The following SLC1A2 variants were observed in gnomAD, a reference collection of about 807,000 sequenced individuals.
SLC1A2 encodes the protein solute carrier family 1 member 2.
In SLC1A2, 15 loss-of-function variants were observed where a neutral mutation model predicts 48.8. That is an observed-to-expected ratio of 0.31 (90% CI 0.21 to 0.47). The LOEUF is 0.47. Ranked by LOEUF, SLC1A2 falls within the 20% of genes least tolerant of loss-of-function variation. SLC1A2 has a pLI of 0.99. For missense variants in SLC1A2, 502 were observed against 730.5 expected (o/e 0.69, Z 3.61); for synonymous variants, 279 against 272.6 (o/e 1.02, Z -0.23).
At chr11:35,406,280 G>A (rs1855290524) in intron 1 of SLC1A2, among the ~76,000 whole-genome samples, 1 of 152,128 alleles carries the variant, frequency 6.6e-6, no homozygotes, top group Non-Finnish European at 1.5e-5. Flanking sequence ...TTAGGATCTA[G>A]GAGGACATGA....
At chr11:35,309,861 A>AG (rs1407358146) in intron 4 of SLC1A2, among the ~76,000 whole-genome samples, 1 of 152,162 alleles carries the variant, frequency 6.6e-6, no homozygotes, top group Non-Finnish European at 1.5e-5. Context: ...ATTCTTCCTC[A>AG]GGTTGTCCTA....
chr11:35,269,223 A>C (rs1850201593), intron 9 of SLC1A2, among the ~76,000 whole-genome samples: 1 of 152,222 alleles, frequency 6.6e-6, no homozygotes. Context: ...AGAATCTCCC[A>C]GTGCCTTGAT....
At chr11:35,342,549 T>TG (rs1852877589) in intron 1 of SLC1A2, among the ~76,000 whole-genome samples, 1 of 92,150 alleles carries the variant, frequency 1.1e-5, no homozygotes, top group Non-Finnish European at 2.4e-5. Context: ...GTTTGTTGTT[T>TG]GTTTTTTTTG....
At chr11:35,410,049 T>G (rs4144753) in intron 1 of SLC1A2, among the ~76,000 whole-genome samples, 104,704 of 152,076 alleles carry the variant, frequency 0.69, 36,589 homozygotes, top group African/African-American at 0.8. Flanking sequence ...GAGAACAGGA[T>G]TGGGGCCGGA....
At chr11:35,302,647 T>C (rs1320061317) in intron 5 of SLC1A2, among the ~76,000 whole-genome samples, 1 of 152,054 alleles carries the variant, frequency 6.6e-6, no homozygotes, top group Non-Finnish European at 1.5e-5. Flanking sequence ...CCTGGGAATC[T>C]GCCCTACACT....
At chr11:35,358,643 A>AT (rs897721331) in intron 1 of SLC1A2, among the ~76,000 whole-genome samples, 1 of 152,016 alleles carries the variant, frequency 6.6e-6, no homozygotes, top group African/African-American at 2.4e-5. Flanking sequence ...TCTTTATTTT[A>AT]TTTTTTTATC....
intron 6 of SLC1A2, among the ~76,000 whole-genome samples, chr11:35,292,908 T>C (rs10836367): frequency 0.38 from 57,674 of 151,936 alleles, 11,246 homozygotes; most frequent in South Asian, 0.55. Flanking sequence ...TTGAGCTTTT[T>C]AGAAAACTAT....
chr11:35,287,990 G>A (rs946988073), intron 7 of SLC1A2, among the ~76,000 whole-genome samples: 1 of 152,116 alleles, frequency 6.6e-6, no homozygotes, highest in South Asian at 2.1e-4. Flanking sequence ...TTTCTCTCTT[G>A]CACTTACAGC....
At chr11:35,401,207 C>T (rs1460596320) in intron 1 of SLC1A2, among the ~76,000 whole-genome samples, 2 of 152,094 alleles carry the variant, frequency 1.3e-5, no homozygotes, top group Non-Finnish European at 2.9e-5. Context: ...TGTTTCTTAT[C>T]AGACTTAAAA....
intron 1 of SLC1A2, among the ~76,000 whole-genome samples, chr11:35,324,223 G>A (rs919152468): frequency 2.0e-5 from 3 of 152,248 alleles, no homozygotes; most frequent in Admixed American, 6.5e-5. Flanking sequence ...AGACAAAGTA[G>A]CAGGAGACAA....
chr11:35,265,917 C>T (rs1177397573), intron 9 of SLC1A2, among the ~76,000 whole-genome samples, 159 bp from the exon 10 acceptor site: 2 of 152,226 alleles, frequency 1.3e-5, no homozygotes, highest in Non-Finnish European at 2.9e-5. Flanking sequence ...TGAGCCTTGA[C>T]TTCCTTGTTT....
intron 9 of SLC1A2, among the ~76,000 whole-genome samples, chr11:35,278,662 T>C (rs1192656847): frequency 6.6e-6 from 1 of 152,116 alleles, no homozygotes; most frequent in Non-Finnish European, 1.5e-5. Context: ...CTTCGGCCAC[T>C]TGCATTTTCC....
intron 1 of SLC1A2, among the ~76,000 whole-genome samples, chr11:35,340,860 G>T (rs1367261705): frequency 6.6e-6 from 1 of 152,162 alleles, no homozygotes; most frequent in Non-Finnish European, 1.5e-5. Flanking sequence ...TTACATAAGG[G>T]TCATCTTATT....
chr11:35,358,425 A>G (rs890461968), intron 1 of SLC1A2, among the ~76,000 whole-genome samples: 14 of 152,220 alleles, frequency 9.2e-5, no homozygotes, highest in Admixed American at 4.6e-4. Context: ...AATTCATTTT[A>G]AACAGGAGAA....
Position 35,317,442 on chromosome 11 carries a change from C to T in SLC1A2, c.92G>A (p.Arg31Gln), listed in dbSNP as rs199599866. Residue 31 changes from arginine to glutamine, a missense_variant, in exon 2 of 11, where the codon CGG (arginine) becomes CAG (glutamine). Physicochemically the swap from Arg to Gln is conservative, Grantham distance 43. Transcript: ENST00000278379. ...SHLGSEEPKHRHLGLRLCDKL... is the reference protein window; with the variant it reads ...SHLGSEEPKHQHLGLRLCDKL... ...GTCACACAGGCGCAGGCCCAGGTGC[C>T]GGTGCTTGGGTTCCTCTGAGCCAAG... is the stretch of plus-strand genomic sequence containing the variant. 336 of 1,614,174 alleles carry T rather than the reference C, an allele frequency of 2.1e-4. 1 individual carries two copies. Among genetic ancestry groups the T allele is most frequent in the Admixed American group, 6.2e-4 (37 of 60,032 alleles).
intron 9 of SLC1A2, among the ~76,000 whole-genome samples, chr11:35,268,115 G>A (rs1444414007): frequency 6.6e-6 from 1 of 152,048 alleles, no homozygotes; most frequent in Non-Finnish European, 1.5e-5. Context: ...TTTCTTCTGG[G>A]CATGTCTTTA....
chr11:35,418,650 G>C, intron 1 of SLC1A2: 1 of 444,362 alleles, frequency 2.3e-6, no homozygotes, highest in Non-Finnish European at 4.0e-6. Flanking sequence ...CTATTGTTTT[G>C]AAATCCCAAA....
chr11:35,337,460 T>C (rs938210065), intron 1 of SLC1A2, among the ~76,000 whole-genome samples: 6 of 152,194 alleles, frequency 3.9e-5, no homozygotes, highest in Non-Finnish European at 8.8e-5. Context: ...ATATAACACA[T>C]GCTAGTCACA....
intron 1 of SLC1A2, among the ~76,000 whole-genome samples, chr11:35,327,594 A>G (rs1224628171): frequency 6.6e-6 from 1 of 152,248 alleles, no homozygotes; most frequent in African/African-American, 2.4e-5. Context: ...CAGGAACCCA[A>G]GCAGACTCTT....
Sources: allele counts gnomAD v4.1 joint callset (sites outside exome capture counted in the v4.1 genomes callset), GRCh38; gene constraint gnomAD v4.1.1; transcripts MANE v1.5; gene names NCBI Gene and HGNC (gene_info 2026-07-23, HGNC 2026-07-21).